OTOGL: variants seen among roughly 807,000 people sequenced by gnomAD.
The protein encoded by OTOGL is otogelin like.
Under a neutral mutation model 318.5 loss-of-function variants are expected in OTOGL, and 285 were observed. That is an observed-to-expected ratio of 0.89 (90% CI 0.81 to 0.99). The LOEUF (loss-of-function observed/expected upper bound fraction) is 0.99, where lower values mean the gene tolerates loss of function less well. OTOGL is among the 50% of genes least tolerant of loss of function. The pLI is 0.00. For missense variants in OTOGL, 2,899 were observed against 2,845.6 expected (o/e 1.02, Z -0.43); for synonymous variants, 987 against 936.5 (o/e 1.05, Z -0.99).
At position 80,296,867 on chromosome 12, in the gene OTOGL, A is replaced by C; in HGVS notation, c.2969A>C (p.Lys990Thr). Residue 990 changes from lysine to threonine, a missense_variant, in exon 27 of 59, where the codon AAG becomes ACG. By Grantham distance (78) the Lys-to-Thr change is moderately conservative. Around this residue, in one of 3 missense-constraint regions of OTOGL, gnomAD observed 2,607 missense variants for 2,524.9 expected, o/e 1.03. Coordinates refer to ENST00000547103, the MANE Select transcript of OTOGL (RefSeq NM_001378609.3). ...GATATATCTGTCATTGCCCAGAACA[A>C]GAAATGCTTTGACAACGATATTGTT... ...DSDISVIAQN[K>T]KCFDNDIVCS... The C allele has an allele frequency of 6.5e-7, 1 of 1,528,854 alleles. No homozygotes were observed. Among genetic ancestry groups the C allele is most frequent in the South Asian group, 1.2e-5 (1 of 83,362 alleles). The allele number at this position is 1,528,854 out of a possible 1,614,324, so 94.7% of individuals were successfully genotyped here.
chr12:80,129,432 C>T (rs1703750657), intron 1 of OTOGL, among the ~76,000 whole-genome samples: 1 of 152,112 alleles, frequency 6.6e-6, no homozygotes, highest in African/African-American at 2.4e-5. Flanking sequence ...CATAACTTGT[C>T]AAGCCAACAG....
At position 80,253,818 on chromosome 12, in the gene OTOGL, T is replaced by C. The variant is rs543014661; in HGVS notation, c.1394+244T>C. ...ATCCACATAATGAGTCTGTTGCATTTTCTTATCGTTTGTAATCACTAATTT... is the reference window on the plus strand; with the variant it reads ...ATCCACATAATGAGTCTGTTGCATTCTCTTATCGTTTGTAATCACTAATTT... On this transcript the variant is annotated intron_variant, in intron 14 of 58. Transcript: ENST00000547103. Among the ~76,000 whole-genome samples the C allele has an allele frequency of 3.3e-3, 499 of 152,234 alleles. 3 individuals carry two copies. The highest frequency in any genetic ancestry group is 0.017 in the Middle Eastern group (5 of 294).
rs1428099963 is a variant in OTOGL at position 80,379,384 on chromosome 12, T to A, written c.*1336T>A. The A allele has an allele frequency of 6.6e-6, 1 of 151,992 alleles. No individual in the cohort carries two copies. Among genetic ancestry groups the A allele is most frequent in the East Asian group, 1.9e-4 (1 of 5,196 alleles). The allele number at this position is 151,992 out of a possible 1,614,324, so 9.4% of individuals were successfully genotyped here. On this transcript the variant is annotated 3_prime_UTR_variant, in exon 59 of 59. Transcript: ENST00000547103. ...ATATACTAATGTTTTCATTTCAAAA[T>A]CATGTGTCCCCAAAATATTGCAACT...
At chr12:80,206,372 C>G (rs1378799671) in intron 1 of OTOGL, among the ~76,000 whole-genome samples, 1 of 152,100 alleles carries the variant, frequency 6.6e-6, no homozygotes, top group African/African-American at 2.4e-5. Flanking sequence ...GTTCTCTTTG[C>G]CATTGTTCAT....
At chr12:80,129,846 C>T (rs1229676271) in intron 1 of OTOGL, among the ~76,000 whole-genome samples, 1 of 152,116 alleles carries the variant, frequency 6.6e-6, no homozygotes, top group Non-Finnish European at 1.5e-5. Flanking sequence ...TGACTGCCCT[C>T]ATTGCTTTGA....
In OTOGL at chr12:80,318,526, T is replaced by C. The variant is rs1397094892; in HGVS notation, c.3635-20T>C. 8.2e-7 allele frequency: 1 copy of C among 1,222,474 alleles called. No homozygotes were observed. Among genetic ancestry groups the C allele is most frequent in the Non-Finnish European group, 1.0e-6 (1 of 960,468 alleles). 75.7% of individuals were successfully genotyped at this position (1,222,474 alleles called of 1,614,324 possible). On this transcript the variant is annotated intron_variant, in intron 32 of 58. Transcript: ENST00000547103. ...AAAAATCTATGCCAATTTATAATTC[T>C]AATATTTATATTTAACTAGGACTTG...
At chr12:80,349,329 G>A (rs958731092) in intron 44 of OTOGL, among the ~76,000 whole-genome samples, 1 of 152,148 alleles carries the variant, frequency 6.6e-6, no homozygotes, top group Non-Finnish European at 1.5e-5. Context: ...GCAGTCTTAA[G>A]TAGTAGTAGT....
At position 80,279,075 on chromosome 12, in the gene OTOGL, CA is replaced by C; in HGVS notation, c.2838del (p.Val947CysfsTer16). ...MFNCTYYPCP[A>X]VCTIYGDRHY... ...AATTGCACATATTATCCATGCCCAG[CA>C]GTGTGCACAATATACGGGGACCGAC... On this transcript the variant is annotated frameshift_variant, in exon 26 of 59. Transcript: ENST00000547103. LOFTEE classifies it high-confidence loss of function. 1 of 1,595,088 alleles carries C rather than the reference CA, an allele frequency of 6.3e-7. No individual in the cohort carries two copies. The highest frequency in any genetic ancestry group is 8.5e-7 in the Non-Finnish European group (1 of 1,176,544).
At position 80,307,127 on chromosome 12, in the gene OTOGL, A is replaced by G. The variant is rs1454670367; in HGVS notation, c.3333+1432A>G. The stretch of plus-strand genomic sequence containing the variant: ...TTCAGAGAGCACAGGGTTGGGGGTA[A>G]GGTCACCGATCAACAGGATCCCAAG... On this transcript the variant is annotated intron_variant, in intron 29 of 58. Transcript: ENST00000547103. Among the ~76,000 whole-genome samples the G allele has an allele frequency of 4.6e-5, 7 of 150,896 alleles. No individual in the cohort carries two copies. In the East Asian group the frequency reaches 1.4e-3, roughly 29 times the overall value.
At chr12:80,308,312 G>T (rs1886366864) in intron 29 of OTOGL, among the ~76,000 whole-genome samples, 1 of 150,656 alleles carries the variant, frequency 6.6e-6, no homozygotes, top group South Asian at 2.1e-4. Context: ...CAGGCAGAGG[G>T]TCTCCTCACT....
At chr12:80,161,472 G>A (rs1263601816) in intron 1 of OTOGL, among the ~76,000 whole-genome samples, 1 of 152,026 alleles carries the variant, frequency 6.6e-6, no homozygotes, top group Admixed American at 6.6e-5. Context: ...AAGTAGGCTG[G>A]CTTGATAAGA....
At chr12:80,302,236 A>ATC (rs1345809925) in intron 27 of OTOGL, among the ~76,000 whole-genome samples, 1 of 152,218 alleles carries the variant, frequency 6.6e-6, no homozygotes, top group Non-Finnish European at 1.5e-5. Context: ...GCGCAGGAAC[A>ATC]AATTTCTCTC....
chr12:80,366,435 G>A, intron 52 of OTOGL, 139 bp from the exon 53 acceptor site: 1 of 456,734 alleles, frequency 2.2e-6, no homozygotes, highest in Middle Eastern at 3.3e-4. Flanking sequence ...TGTGTGATAA[G>A]GGACTTATTA....
intron 11 of OTOGL, among the ~76,000 whole-genome samples, chr12:80,240,660 T>A (rs762025458): frequency 6.6e-6 from 1 of 152,100 alleles, no homozygotes; most frequent in South Asian, 2.1e-4. Flanking sequence ...TATTGTGATG[T>A]GTTGCCTATA....
At chr12:80,110,508 T>C (rs1325488457) in intron 1 of OTOGL, among the ~76,000 whole-genome samples, 1 of 152,134 alleles carries the variant, frequency 6.6e-6, no homozygotes, top group African/African-American at 2.4e-5. Context: ...CGGTTTTTGG[T>C]TTTCTGTTCC....
At position 80,378,365 on chromosome 12, in the gene OTOGL, A is replaced by T. The variant is rs1462870175; in HGVS notation, c.*317A>T. On this transcript the variant is annotated 3_prime_UTR_variant, in exon 59 of 59. Transcript: ENST00000547103. ...GAAGGTTATTTTGCAAAATTCCTTC[A>T]ATTTCACTCAGTAGCTCTTTTTTTC... The T allele has an allele frequency of 9.6e-6, 2 of 208,192 alleles. No individual in the cohort carries two copies. Among genetic ancestry groups the T allele is most frequent in the African/African-American group, 4.6e-5 (2 of 43,230 alleles). The allele number at this position is 208,192 out of a possible 1,614,324, so 12.9% of individuals were successfully genotyped here.
chr12:80,291,404 G>A (rs1157190360), intron 26 of OTOGL, among the ~76,000 whole-genome samples: 1 of 152,198 alleles, frequency 6.6e-6, no homozygotes, highest in Non-Finnish European at 1.5e-5. Context: ...CGTTGGCTTT[G>A]TTGTAACTTT....
At position 80,170,497 on chromosome 12, in the gene OTOGL, G is replaced by A. The variant is rs149285985; in HGVS notation, c.-19-38916G>A. ...TGCCCAGGCTGGAGTACAGTGGCGC[G>A]ATCTTGGCTCACTGCAACCTCTGTC... On this transcript the variant is annotated intron_variant, in intron 1 of 58. Coordinates refer to ENST00000547103, the MANE Select transcript of OTOGL (RefSeq NM_001378609.3). Among the ~76,000 whole-genome samples the A allele has an allele frequency of 4.9e-3, 740 of 151,550 alleles. 7 individuals are homozygous for A. The highest frequency in any genetic ancestry group is 0.017 in the African/African-American group (705 of 41,316).
Position 80,168,214 on chromosome 12 carries a change from T to A in OTOGL, c.-19-41199T>A, listed in dbSNP as rs117839680. On this transcript the variant is annotated intron_variant, in intron 1 of 58. Coordinates refer to ENST00000547103, the MANE Select transcript of OTOGL (RefSeq NM_001378609.3). ...TCAAAGTGGTCTGGCTGCCTCAGCC[T>A]CCCAAAGTGCTGGGATTTCAGGCTA... Among the ~76,000 whole-genome samples the A allele has an allele frequency of 1.9e-4, 29 of 152,230 alleles. No homozygotes were observed. In the East Asian group the frequency reaches 2.3e-3, roughly 12 times the overall value.
Sources: allele counts gnomAD v4.1 joint callset (sites outside exome capture counted in the v4.1 genomes callset), GRCh38; gene constraint gnomAD v4.1.1; regional missense constraint gnomAD v4.1.1; transcripts MANE v1.5; gene names NCBI Gene and HGNC (gene_info 2026-07-23, HGNC 2026-07-21).